Variants in FAT2 observed in about 807,000 individuals in gnomAD.
FAT2 encodes the protein FAT atypical cadherin 2, also known as protocadherin Fat 2.
Under a neutral mutation model 295.3 loss-of-function variants are expected in FAT2, and 150 were observed. The ratio of observed to expected loss-of-function variants is 0.51; its 90% CI spans 0.44 to 0.58. The LOEUF (loss-of-function observed/expected upper bound fraction) is 0.58, where lower values mean the gene tolerates loss of function less well. Among genes scored for constraint, FAT2 ranks in the 20% least tolerant of loss-of-function variants. The probability of loss-of-function intolerance (pLI) is 0.00; values close to 1 mark genes in which losing one functional copy is unlikely to be tolerated. For missense variants in FAT2, 4,868 were observed against 5,442.7 expected (o/e 0.89, Z 3.32); for synonymous variants, 2,026 against 2,150.3 (o/e 0.94, Z 1.60).
At chr5:151,578,078 T>C (rs960041365) in intron 1 of FAT2, among the ~76,000 whole-genome samples, 1 of 151,660 alleles carries the variant, frequency 6.6e-6, no homozygotes, top group African/African-American at 2.4e-5. Context: ...GCCTGGTATT[T>C]ATTCATTAGA....
chr5:151,517,101 C>CCAT (rs1386001872), intron 20 of FAT2, among the ~76,000 whole-genome samples: 2 of 148,822 alleles, frequency 1.3e-5, no homozygotes, highest in Non-Finnish European at 3.0e-5. Flanking sequence ...GAGAGAGACT[C>CCAT]CATCTCAAAA....
At position 151,545,371 on chromosome 5, in the gene FAT2, T is replaced by A; in HGVS notation, c.5756A>T (p.His1919Leu). 2 of 1,614,168 alleles carry A rather than the reference T, an allele frequency of 1.2e-6. No individual in the cohort carries two copies. The highest frequency in any genetic ancestry group is 1.7e-6 in the Non-Finnish European group (2 of 1,180,024). ...TGNADEAVTI[H>L]PVTGSISVLN... ...CACAGATATGCTACCAGTGACAGGA[T>A]GGATGGTAACAGCTTCATCAGCATT... The change falls in exon 10 of 24, where the codon CAT becomes CTT. Residue 1919 changes from histidine to leucine, a missense_variant. Physicochemically the swap from His to Leu is moderately conservative, Grantham distance 99. Coordinates refer to ENST00000261800, the MANE Select transcript of FAT2 (RefSeq NM_001447.3).
intron 1 of FAT2, among the ~76,000 whole-genome samples, chr5:151,570,943 G>T (rs1322329535): frequency 6.6e-6 from 1 of 152,036 alleles, no homozygotes; most frequent in Non-Finnish European, 1.5e-5. Context: ...GGGTCTGAAG[G>T]CCTGTGACAG....
At chr5:151,592,852 G>C (rs1005392997), upstream of FAT2, among the ~76,000 whole-genome samples, 1 of 152,164 alleles carries the variant, frequency 6.6e-6, no homozygotes, top group East Asian at 1.9e-4. Flanking sequence ...TGAAGGTTCT[G>C]GTCTTGTTGC....
Position 151,544,267 on chromosome 5 carries a change from G to A in FAT2, c.6860C>T (p.Ala2287Val), listed in dbSNP as rs2127609435. The A allele has an allele frequency of 1.9e-6, 3 of 1,614,226 alleles. No individual in the cohort carries two copies. Among genetic ancestry groups the A allele is most frequent in the Non-Finnish European group, 2.5e-6 (3 of 1,180,050 alleles). The change falls in exon 10 of 24, where the codon GCT becomes GTT. Residue 2287 changes from alanine to valine, a missense_variant. Physicochemically the swap from Ala to Val is moderately conservative, Grantham distance 64. This residue lies in a region of FAT2 where 3,297 missense variants were observed against 3,669.4 expected (regional missense o/e 0.90). Coordinates refer to ENST00000261800, the MANE Select transcript of FAT2 (RefSeq NM_001447.3). Reference protein sequence around the residue: ...YTTSISEGLPAQTPVIQLLAS... With the variant: ...YTTSISEGLPVQTPVIQLLAS... ...CAACAGTTGGATCACAGGGGTCTGA[G>A]CAGGCAAGCCTTCTGAGATGGAAGT...
intron 13 of FAT2, 64 bp downstream of exon 13, chr5:151,534,345 C>A (rs549633710): frequency 3.7e-5 from 51 of 1,369,886 alleles, no homozygotes; most frequent in Non-Finnish European, 4.7e-5. Flanking sequence ...CAAAGGGGAC[C>A]AAACCCTTGC....
At chr5:151,513,422 A>AATGAG in intron 20 of FAT2, among the ~76,000 whole-genome samples, 1 of 152,316 alleles carries the variant, frequency 6.6e-6, no homozygotes, top group Admixed American at 6.5e-5. Context: ...CATAAAAAAG[A>AATGAG]ATGAGATTAT....
chr5:151,532,915 C>G (rs1754807200), intron 13 of FAT2, among the ~76,000 whole-genome samples: 1 of 152,172 alleles, frequency 6.6e-6, no homozygotes, highest in Non-Finnish European at 1.5e-5. Flanking sequence ...GAATTTATAT[C>G]CATTAAATGC....
Position 151,534,475 on chromosome 5 carries a change from C to G in FAT2, c.9361G>C (p.Ala3121Pro). Reference sequence around the variant, plus strand: ...TTCACTGTGGTGTTGTCGAAGACAGCCACAGCACAGTGGCTGGGGAAGAAC... The same window carrying G: ...TTCACTGTGGTGTTGTCGAAGACAGGCACAGCACAGTGGCTGGGGAAGAAC... The part of the protein sequence containing the change: ...PRFFPSHCAV[A>P]VFDNTTVKTP... The change falls in exon 13 of 24, where the codon GCT becomes CCT. Residue 3121 changes from alanine to proline, a missense_variant. Transcript: ENST00000261800. 1 of 1,614,008 alleles carries G rather than the reference C, an allele frequency of 6.2e-7. No individual in the cohort carries two copies. Among genetic ancestry groups the G allele is most frequent in the Non-Finnish European group, 8.5e-7 (1 of 1,180,014 alleles).
At chr5:151,580,159 T>A (rs1470142031) in intron 1 of FAT2, among the ~76,000 whole-genome samples, 15 of 152,246 alleles carry the variant, frequency 9.9e-5, no homozygotes, top group Admixed American at 9.8e-4. Context: ...ATTTTGGCAC[T>A]GGCCATGCTG....
chr5:151,529,529 C>T (rs1360175040), intron 14 of FAT2, 137 bp from the exon 15 acceptor site: 3 of 660,950 alleles, frequency 4.5e-6, no homozygotes, highest in Non-Finnish European at 8.1e-6. Context: ...ATCTCCCCAT[C>T]CATCTCCCTT....
At chr5:151,552,375 T>G (rs1581421594) in intron 6 of FAT2, among the ~76,000 whole-genome samples, 1 of 152,316 alleles carries the variant, frequency 6.6e-6, no homozygotes, top group South Asian at 2.1e-4. Context: ...AAGCCAGAAC[T>G]GGAAGTAAGT....
intron 23 of FAT2, among the ~76,000 whole-genome samples, chr5:151,506,382 C>G (rs577864292): frequency 6.6e-6 from 1 of 152,326 alleles, no homozygotes; most frequent in East Asian, 1.9e-4. Flanking sequence ...ATGCAACCCA[C>G]CCCCACAGCT....
chr5:151,504,379 G>A lies in FAT2; in HGVS notation c.*1186C>T, dbSNP rs903768532. 3.2e-4 allele frequency: 49 copies of A among 152,656 alleles called. No individual in the cohort carries two copies. The highest frequency in any genetic ancestry group is 1.1e-3 in the African/African-American group (47 of 41,460). 9.5% of individuals were successfully genotyped at this position (152,656 alleles called of 1,614,324 possible). On this transcript the variant is annotated 3_prime_UTR_variant, in exon 24 of 24. Transcript: ENST00000261800. ...TCACCAAAGGCCACAGAGGCTTCTG[G>A]TCCCCACCACTCCTGGCTACATACA...
chr5:151,558,373 TGG>T lies in FAT2; in HGVS notation c.3575-1973_3575-1972del, dbSNP rs537837015. Among the ~76,000 whole-genome samples the T allele has an allele frequency of 1.7e-4, 26 of 152,252 alleles. No homozygotes were observed. In the East Asian group the frequency reaches 5.0e-3, roughly 29 times the overall value. ...GCTCACACCTGTAATGCCAGCACTT[TGG>T]GAGGCCGAAGCGGGCGGATCACCTG... On this transcript the variant is annotated intron_variant, in intron 3 of 23. Transcript: ENST00000261800.
intron 20 of FAT2, among the ~76,000 whole-genome samples, chr5:151,517,391 G>A (rs1442562660): frequency 6.6e-6 from 1 of 152,226 alleles, no homozygotes; most frequent in Non-Finnish European, 1.5e-5. Flanking sequence ...ACCCCACAGA[G>A]TAAGCAGCCC....
intron 10 of FAT2, among the ~76,000 whole-genome samples, chr5:151,542,077 C>T (rs1756205167): frequency 6.6e-6 from 1 of 152,208 alleles, no homozygotes; most frequent in Non-Finnish European, 1.5e-5. Context: ...CTAGAAATTA[C>T]AGATCTTACC....
At chr5:151,550,282 C>G (rs545902305) in intron 8 of FAT2, among the ~76,000 whole-genome samples, 2 of 152,264 alleles carry the variant, frequency 1.3e-5, no homozygotes, top group South Asian at 4.2e-4. Flanking sequence ...CCTTCCAGCT[C>G]TGACATTACA....
At position 151,553,453 on chromosome 5, in the gene FAT2, G is replaced by A. The variant is rs1757399038; in HGVS notation, c.3946-66C>T. 3.5e-6 allele frequency: 5 copies of A among 1,429,378 alleles called. No individual in the cohort carries two copies. In the South Asian group the frequency reaches 3.6e-5, roughly 10 times the overall value. 88.5% of individuals were successfully genotyped at this position (1,429,378 alleles called of 1,614,324 possible). A position where few individuals can be genotyped will look rare whatever the true frequency, so the allele number is the denominator to read the frequency against. ...GAGACAGGAAGACCCAAGCAGCCAG[G>A]ACAGGAACCAGAGCGTCCTGTGATT... is the stretch of plus-strand genomic sequence containing the variant. On this transcript the variant is annotated intron_variant, in intron 5 of 23. Transcript: ENST00000261800.
Sources: gnomAD v4.1 joint callset for allele counts (sites outside exome capture counted in the v4.1 genomes callset) on GRCh38, gnomAD v4.1.1 for gene constraint, gnomAD v4.1.1 regional missense constraint, MANE v1.5 for transcripts, NCBI Gene and HGNC (gene_info 2026-07-23, HGNC 2026-07-21) for gene names.